The following CAMKMT variants were observed in gnomAD, a reference collection of about 807,000 sequenced individuals.
The protein encoded by CAMKMT is calmodulin-lysine N-methyltransferase.
In CAMKMT, 53 loss-of-function variants were observed where a neutral mutation model predicts 48.0. The observed-to-expected ratio is 1.10, with a 90% CI of 0.89 to 1.39. CAMKMT has a LOEUF of 1.39. Ranked by LOEUF, CAMKMT falls within the 40% of genes most tolerant of loss-of-function variation. The pLI, the probability that CAMKMT is intolerant of heterozygous loss-of-function variation, is 0.00. For synonymous variants in CAMKMT, 165 were observed against 152.3 expected (o/e 1.08, Z -0.61); for missense variants, 428 against 402.7 (o/e 1.06, Z -0.54).
chr2:44,447,164 A>T (rs1286535177), intron 3 of CAMKMT, among the ~76,000 whole-genome samples: 4 of 152,218 alleles, frequency 2.6e-5, no homozygotes, highest in African/African-American at 9.7e-5. Context: ...TAATGTTCAG[A>T]TAAGGAAACT....
intron 3 of CAMKMT, among the ~76,000 whole-genome samples, chr2:44,523,770 A>ATTTTTTTTTTTTT (rs70937920): frequency 1.1e-5 from 1 of 89,880 alleles, no homozygotes; most frequent in African/African-American, 4.3e-5. Context: ...GAGAGCGAGC[A>ATTTTTTTTTTTTT]TTTTTTTTTT....
chr2:44,442,010 A>AT lies in CAMKMT; in HGVS notation c.376+51705_376+51706insT, dbSNP rs398042424. 3.9e-3 allele frequency among the ~76,000 whole-genome samples: 589 copies of AT among 152,292 alleles called. 3 individuals are homozygous for AT. Among genetic ancestry groups the AT allele is most frequent in the Non-Finnish European group, 5.4e-3 (370 of 68,024 alleles). On this transcript the variant is annotated intron_variant, in intron 3 of 10. Transcript: ENST00000378494. The stretch of plus-strand genomic sequence containing the variant: ...GAGGCTGCCCGATAGCACTTTAAAG[A>AT]AAAGTTATTAGGCTGGTCTTCAAAT...
At chr2:44,513,839 A>G (rs1166039025) in intron 3 of CAMKMT, among the ~76,000 whole-genome samples, 1 of 152,064 alleles carries the variant, frequency 6.6e-6, no homozygotes, top group Non-Finnish European at 1.5e-5. Context: ...GGTGGCTCAC[A>G]CCTGTAATCA....
In CAMKMT at chr2:44,490,906, T is replaced by C. The variant is rs1447439985; in HGVS notation, c.376+100601T>C. 2.6e-5 allele frequency among the ~76,000 whole-genome samples: 4 copies of C among 152,170 alleles called. No individual in the cohort carries two copies. The East Asian group carries it at 5.8e-4, about 22-fold the overall frequency. On this transcript the variant is annotated intron_variant, in intron 3 of 10. Coordinates refer to ENST00000378494, the MANE Select transcript of CAMKMT (RefSeq NM_024766.5). ...GGCTCACACCTGTAATTACAACACT[T>C]TGGGAGTCCGAGGTGGGTGAATCAG...
chr2:44,481,022 T>G (rs1294202340), intron 3 of CAMKMT, among the ~76,000 whole-genome samples: 1 of 152,078 alleles, frequency 6.6e-6, no homozygotes, highest in Non-Finnish European at 1.5e-5. Context: ...TGTGTGTATG[T>G]ATATATGAAT....
chr2:44,573,768 AT>A (rs1426718067), intron 3 of CAMKMT, among the ~76,000 whole-genome samples: 3 of 152,018 alleles, frequency 2.0e-5, no homozygotes, highest in Non-Finnish European at 4.4e-5. Context: ...TTCCAAATTT[AT>A]TTTTTCTATG....
chr2:44,530,744 A>G (rs1255490133), intron 3 of CAMKMT, among the ~76,000 whole-genome samples: 1 of 152,102 alleles, frequency 6.6e-6, no homozygotes, highest in Non-Finnish European at 1.5e-5. Context: ...AGGGGGAGGA[A>G]AAGGGAGGAT....
intron 8 of CAMKMT, among the ~76,000 whole-genome samples, chr2:44,746,698 A>G (rs1292823192): frequency 1.3e-5 from 2 of 152,252 alleles, no homozygotes; most frequent in African/African-American, 4.8e-5. Context: ...ACAAACATCA[A>G]AATATTAGAA....
chr2:44,524,806 C>T (rs1401154447), intron 3 of CAMKMT, among the ~76,000 whole-genome samples: 10 of 152,290 alleles, frequency 6.6e-5, no homozygotes, highest in Admixed American at 1.3e-4. Flanking sequence ...TCCACCAGGC[C>T]TTGGCACAGT....
intron 2 of CAMKMT, among the ~76,000 whole-genome samples, chr2:44,378,859 A>AGTT (rs1679962950): frequency 6.6e-6 from 1 of 151,792 alleles, no homozygotes; most frequent in African/African-American, 2.4e-5. Flanking sequence ...TTTAGGACCC[A>AGTT]CTCCACTCTC....
intron 6 of CAMKMT, among the ~76,000 whole-genome samples, chr2:44,710,175 T>G (rs958211914): frequency 7.9e-5 from 12 of 152,048 alleles, no homozygotes; most frequent in Non-Finnish European, 1.3e-4. Flanking sequence ...TTTTAGTATG[T>G]GAGGCAATGA....
chr2:44,719,029 C>T (rs986055233), intron 7 of CAMKMT, among the ~76,000 whole-genome samples: 14 of 152,206 alleles, frequency 9.2e-5, no homozygotes, highest in African/African-American at 3.1e-4. Context: ...TTGAAAGGTA[C>T]GTTCCAACCA....
chr2:44,621,187 C>G (rs113723988), intron 3 of CAMKMT, among the ~76,000 whole-genome samples: 4,961 of 149,400 alleles, frequency 0.033, 224 homozygotes, highest in African/African-American at 0.11. Context: ...AGAATGGCGC[C>G]AACCCGGAGG....
chr2:44,570,089 G>C (rs769907491), intron 3 of CAMKMT, among the ~76,000 whole-genome samples: 3 of 151,950 alleles, frequency 2.0e-5, no homozygotes, highest in African/African-American at 7.3e-5. Context: ...ATAAAGCCAG[G>C]ATAAATGTAT....
chr2:44,466,730 T>C (rs1039906070), intron 3 of CAMKMT, among the ~76,000 whole-genome samples: 4 of 151,988 alleles, frequency 2.6e-5, no homozygotes, highest in African/African-American at 7.3e-5. Flanking sequence ...AAGATGGCTT[T>C]TAGAAAATAT....
At position 44,411,937 on chromosome 2, in the gene CAMKMT, G is replaced by A. The variant is rs79180116; in HGVS notation, c.376+21632G>A. On this transcript the variant is annotated intron_variant, in intron 3 of 10. Coordinates refer to ENST00000378494, the MANE Select transcript of CAMKMT (RefSeq NM_024766.5). The stretch of plus-strand genomic sequence containing the variant: ...AACATTATTAAGAAACTTTGGCTTT[G>A]GATACATAACCAATTAATATGTAAC... 9.4e-3 allele frequency among the ~76,000 whole-genome samples: 1,340 copies of A among 143,024 alleles called. 18 individuals carry two copies. The highest frequency in any genetic ancestry group is 0.033 in the African/African-American group (1,264 of 38,708). The allele number at this position is 143,024 out of a possible 152,430, so 93.8% of individuals were successfully genotyped here.
rs374450109 is a variant in CAMKMT at position 44,511,442 on chromosome 2, A to G, written c.376+121137A>G. Among the ~76,000 whole-genome samples the G allele has an allele frequency of 3.9e-4, 60 of 152,108 alleles. No individual in the cohort carries two copies. The East Asian group carries it at 0.011, about 28-fold the overall frequency. On this transcript the variant is annotated intron_variant, in intron 3 of 10. Coordinates refer to ENST00000378494, the MANE Select transcript of CAMKMT (RefSeq NM_024766.5). ...TAGCTGGGACTACAGGTGTGCACTA[A>G]CACGCCTGGCTAATTTTTGTATTTT...
intron 3 of CAMKMT, among the ~76,000 whole-genome samples, chr2:44,668,541 C>G (rs1675139368): frequency 6.6e-6 from 1 of 152,200 alleles, no homozygotes; most frequent in Non-Finnish European, 1.5e-5. Flanking sequence ...TGTTTCTCTG[C>G]TCTTTTTCAT....
At chr2:44,454,024 G>T (rs957341586) in intron 3 of CAMKMT, among the ~76,000 whole-genome samples, 3 of 152,158 alleles carry the variant, frequency 2.0e-5, no homozygotes, top group Non-Finnish European at 2.9e-5. Context: ...ATGTCTGCCT[G>T]ACTATATTTT....
Sources: gnomAD v4.1 joint callset for allele counts (sites outside exome capture counted in the v4.1 genomes callset) on GRCh38, gnomAD v4.1.1 for gene constraint, MANE v1.5 for transcripts, NCBI Gene and HGNC (gene_info 2026-07-23, HGNC 2026-07-21) for gene names.